The following USP25 variants were observed in gnomAD, a reference collection of about 807,000 sequenced individuals.
USP25 encodes the protein ubiquitin specific peptidase 25, also known as ubiquitin carboxyl-terminal hydrolase 25.
Under a neutral mutation model 158.5 loss-of-function variants are expected in USP25, and 85 were observed. The ratio of observed to expected loss-of-function variants is 0.54; its 90% CI spans 0.45 to 0.64. The LOEUF (loss-of-function observed/expected upper bound fraction) is 0.64, where lower values mean the gene tolerates loss of function less well. USP25 is among the 30% of genes least tolerant of loss of function. The pLI, the probability that USP25 is intolerant of heterozygous loss-of-function variation, is 0.00. For synonymous variants in USP25, 464 were observed against 460.4 expected, an observed-to-expected ratio of 1.01 and a Z score of -0.10; for missense variants, 1,242 against 1,327.3, an observed-to-expected ratio of 0.94 and a Z score of 1.00.
chr21:15,810,474 A>G (rs2036602931), intron 8 of USP25, among the ~76,000 whole-genome samples: 1 of 152,206 alleles, frequency 6.6e-6, no homozygotes, highest in Admixed American at 6.5e-5. Flanking sequence ...ACAAACCATA[A>G]AAAGACAATT....
At chr21:15,762,768 T>C in intron 1 of USP25, 123 bp from the exon 2 acceptor site, 1 of 804,694 alleles carries the variant, frequency 1.2e-6, no homozygotes, top group South Asian at 2.1e-5. Context: ...TTTTCCTTTT[T>C]TACTCTAGTT....
intron 23 of USP25, among the ~76,000 whole-genome samples, chr21:15,872,464 C>G (rs1037510550): frequency 6.6e-6 from 1 of 152,136 alleles, no homozygotes; most frequent in Non-Finnish European, 1.5e-5. Context: ...CAGGAGAGAT[C>G]TTCTTAACAG....
In USP25 at chr21:15,814,125, G is replaced by A. The variant is rs551966064; in HGVS notation, c.931+2915G>A. On this transcript the variant is annotated intron_variant, in intron 9 of 25. Coordinates refer to ENST00000400183, the MANE Select transcript of USP25 (RefSeq NM_001283041.3). Reference sequence around the variant, plus strand: ...AGAAAATGAGGTAGAAGTAAAAGTGGAAACCCAGGATAAACCCTTGAGATT... The same window carrying A: ...AGAAAATGAGGTAGAAGTAAAAGTGAAAACCCAGGATAAACCCTTGAGATT... Among the ~76,000 whole-genome samples, 8 of 149,288 alleles carry A rather than the reference G, an allele frequency of 5.4e-5. No homozygotes were observed. The South Asian group carries it at 1.7e-3, about 32-fold the overall frequency.
chr21:15,775,463 A>C (rs936059793), intron 3 of USP25, among the ~76,000 whole-genome samples: 2 of 152,154 alleles, frequency 1.3e-5, no homozygotes, highest in Admixed American at 1.3e-4. Flanking sequence ...CCAGTCAGGG[A>C]AGCGGCTACT....
At position 15,849,835 on chromosome 21, in the gene USP25, T is replaced by A; in HGVS notation, c.2510T>A (p.Val837Glu). ...ATGGCGATAGGTAAATCCAGGAGTG[T>A]ATATGACAGGTGTGGCCCTGAAGCA... ...IIMAIGKSRSVYDRCGPEAGF... is the reference protein window; with the variant it reads ...IIMAIGKSRSEYDRCGPEAGF... Residue 837 changes from valine to glutamate, a missense_variant, in exon 20 of 26, where the codon GTA (valine) becomes GAA (glutamate). Physicochemically the swap from Val to Glu is moderately radical, Grantham distance 121 (BLOSUM62 -2). Transcript: ENST00000400183. 1.9e-6 allele frequency: 3 copies of A among 1,540,950 alleles called. No homozygotes were observed. The highest frequency in any genetic ancestry group is 2.6e-6 in the Non-Finnish European group (3 of 1,142,352).
At chr21:15,878,052 G>A in intron 25 of USP25, 61 bp downstream of exon 25, 1 of 1,364,186 alleles carries the variant, frequency 7.3e-7, no homozygotes, top group Non-Finnish European at 1.0e-6. Flanking sequence ...GTTAGAATTA[G>A]ATGTTATTTA....
rs573479963 is a variant in USP25 at position 15,741,510 on chromosome 21, A to G, written c.45+11072A>G. On this transcript the variant is annotated intron_variant, in intron 1 of 25. Coordinates refer to ENST00000400183, the MANE Select transcript of USP25 (RefSeq NM_001283041.3). ...ATTTTTGCCAACACCTGGCATTTTT[A>G]ATCTTTTATGTTTTAGCCATTTGGT... Among the ~76,000 whole-genome samples, 5 of 152,218 alleles carry G rather than the reference A, an allele frequency of 3.3e-5. No homozygotes were observed. The East Asian group carries it at 9.7e-4, about 29-fold the overall frequency.
chr21:15,864,729 A>T (rs1236641232), intron 21 of USP25, among the ~76,000 whole-genome samples: 1 of 152,062 alleles, frequency 6.6e-6, no homozygotes, highest in Non-Finnish European at 1.5e-5. Flanking sequence ...GGGCTTCTCA[A>T]CCTCTGTACT....
At chr21:15,792,076 CACTT>C (rs1199438280) in intron 5 of USP25, among the ~76,000 whole-genome samples, 5 of 151,700 alleles carry the variant, frequency 3.3e-5, no homozygotes, top group Non-Finnish European at 7.4e-5. Flanking sequence ...GAATTATAGA[CACTT>C]AGTATTTTTA....
intron 19 of USP25, among the ~76,000 whole-genome samples, chr21:15,848,201 G>A (rs939448257): frequency 2.0e-5 from 3 of 152,096 alleles, no homozygotes; most frequent in African/African-American, 7.2e-5. Context: ...TTGCAGGATG[G>A]ATAATTGATA....
At chr21:15,740,168 C>T (rs1294962119) in intron 1 of USP25, among the ~76,000 whole-genome samples, 1 of 152,252 alleles carries the variant, frequency 6.6e-6, no homozygotes, top group East Asian at 1.9e-4. Context: ...TGTGCCTCAC[C>T]CTAGACGTAT....
At chr21:15,754,172 T>G (rs2033223045) in intron 1 of USP25, among the ~76,000 whole-genome samples, 2 of 152,206 alleles carry the variant, frequency 1.3e-5, no homozygotes. Flanking sequence ...AGTATATTTT[T>G]GGGTGGCATA....
At chr21:15,823,403 A>G (rs1421978646) in intron 10 of USP25, among the ~76,000 whole-genome samples, 1 of 152,092 alleles carries the variant, frequency 6.6e-6, no homozygotes, top group Non-Finnish European at 1.5e-5. Flanking sequence ...CATTATCAGA[A>G]TTTGGCTCAT....
At chr21:15,758,314 C>A (rs463977) in intron 1 of USP25, among the ~76,000 whole-genome samples, 148,683 of 152,256 alleles carry the variant, frequency 0.98, 72,623 homozygotes, top group African/African-American at 0.99. Context: ...TCCCCAACCA[C>A]ATCTCATCTT....
intron 7 of USP25, among the ~76,000 whole-genome samples, chr21:15,807,158 G>T (rs1168381129): frequency 6.6e-6 from 1 of 152,044 alleles, no homozygotes; most frequent in African/African-American, 2.4e-5. Flanking sequence ...GAACTCCTGG[G>T]CTCAAGCTAT....
At chr21:15,835,032 T>C (rs1568868801) in intron 17 of USP25, among the ~76,000 whole-genome samples, 1 of 152,250 alleles carries the variant, frequency 6.6e-6, no homozygotes, top group Non-Finnish European at 1.5e-5. Flanking sequence ...TCTGTACATA[T>C]TCTTTCCAAA....
intron 5 of USP25, among the ~76,000 whole-genome samples, chr21:15,794,882 A>G (rs1252050078): frequency 2.6e-5 from 4 of 151,598 alleles, no homozygotes; most frequent in Non-Finnish European, 5.9e-5. Context: ...GGATGAATGA[A>G]CCAAAAGGGA....
chr21:15,808,682 C>T (rs1244331293), intron 7 of USP25, 127 bp from the exon 8 acceptor site: 4 of 594,552 alleles, frequency 6.7e-6, no homozygotes, highest in African/African-American at 5.7e-5. Flanking sequence ...TGAAACATTT[C>T]ACTTGTTATC....
intron 9 of USP25, among the ~76,000 whole-genome samples, chr21:15,812,796 T>A (rs1187479329): frequency 6.6e-6 from 1 of 152,256 alleles, no homozygotes; most frequent in African/African-American, 2.4e-5. Context: ...AAAAGTAATT[T>A]ATTTCAGAGT....
Sources: gnomAD v4.1 joint callset for allele counts (sites outside exome capture counted in the v4.1 genomes callset) on GRCh38, gnomAD v4.1.1 for gene constraint, MANE v1.5 for transcripts, NCBI Gene and HGNC (gene_info 2026-07-23, HGNC 2026-07-21) for gene names.